EMB: variants seen among roughly 807,000 people sequenced by gnomAD.
The protein encoded by EMB is embigin homolog.
EMB carries 31 observed loss-of-function variants against 41.4 expected under a neutral mutation model. The ratio of observed to expected loss-of-function variants is 0.75; its 90% CI spans 0.56 to 1.01. The LOEUF (loss-of-function observed/expected upper bound fraction) is 1.01. EMB is among the 50% of genes least tolerant of loss of function. EMB has a pLI of 0.00. For missense variants in EMB, 379 were observed against 388.3 expected, an observed-to-expected ratio of 0.98 and a Z score of 0.20; for synonymous variants, 137 against 140.4, an observed-to-expected ratio of 0.98 and a Z score of 0.17.
At chr5:50,428,074 A>C in intron 2 of EMB, 70 bp downstream of exon 2, 1 of 1,085,946 alleles carries the variant, frequency 9.2e-7, no homozygotes, top group Non-Finnish European at 1.4e-6. Flanking sequence ...AAAAAGCAGT[A>C]GCTTTGTTTA....
In EMB at chr5:50,419,135, G is replaced by C. The variant is rs543967385; in HGVS notation, c.197-7752C>G. Among the ~76,000 whole-genome samples the C allele has an allele frequency of 7.3e-4, 111 of 152,334 alleles. 1 individual carries two copies. The highest frequency in any genetic ancestry group is 2.3e-3 in the African/African-American group (94 of 41,586). ...GGCTGAGGTAGCAGTCCAGGACTCA[G>C]ATCAGCCAGTCCCTGGCCCTGTATG... On this transcript the variant is annotated intron_variant, in intron 2 of 8. Coordinates refer to ENST00000303221, the MANE Select transcript of EMB (RefSeq NM_198449.3).
At chr5:50,403,071 G>C (rs1203209059) in intron 6 of EMB, 107 bp downstream of exon 6, 2 of 1,070,830 alleles carry the variant, frequency 1.9e-6, no homozygotes, top group African/African-American at 1.6e-5. Flanking sequence ...AAATCCTAAA[G>C]TCATTGCAAT....
chr5:50,440,297 G>A (rs1022536413), intron 1 of EMB, among the ~76,000 whole-genome samples: 1 of 152,084 alleles, frequency 6.6e-6, no homozygotes, highest in South Asian at 2.1e-4. Context: ...ACTTTGGGAG[G>A]CCGAAGCGGG....
chr5:50,441,304 C>A, upstream of EMB: 1 of 417,736 alleles, frequency 2.4e-6, no homozygotes, highest in Non-Finnish European at 4.1e-6. Context: ...ATGGGAGGGG[C>A]CCGGCCGCCT....
At chr5:50,413,259 C>T (rs1163968934) in intron 2 of EMB, among the ~76,000 whole-genome samples, 1 of 152,148 alleles carries the variant, frequency 6.6e-6, no homozygotes, top group African/African-American at 2.4e-5. Flanking sequence ...AAAAAGAAAT[C>T]ATACAAATAT....
At chr5:50,414,572 T>G (rs1269102662) in intron 2 of EMB, among the ~76,000 whole-genome samples, 20 of 148,254 alleles carry the variant, frequency 1.3e-4, no homozygotes, top group Admixed American at 1.3e-3. Flanking sequence ...TCACTTTTAA[T>G]TACATTTGAA....
intron 7 of EMB, 142 bp from the exon 8 acceptor site, chr5:50,400,055 C>T (rs751544480): frequency 1.7e-6 from 1 of 581,356 alleles, no homozygotes; most frequent in Non-Finnish European, 2.9e-6. Context: ...GTTTTACTTA[C>T]AATGTTGAAT....
At chr5:50,412,478 C>A (rs1023644371) in intron 2 of EMB, among the ~76,000 whole-genome samples, 14 of 151,962 alleles carry the variant, frequency 9.2e-5, no homozygotes, top group African/African-American at 2.7e-4. Flanking sequence ...ATCTTCACAC[C>A]ACACCTAAAC....
chr5:50,419,903 A>AT (rs2111822079), intron 2 of EMB, among the ~76,000 whole-genome samples: 1 of 152,346 alleles, frequency 6.6e-6, no homozygotes, highest in African/African-American at 2.4e-5. Flanking sequence ...GCTGGAAGTC[A>AT]TTATCCTCAG....
chr5:50,441,220 G>C lies in EMB; in HGVS notation c.-69C>G. On this transcript the variant is annotated 5_prime_UTR_variant, in exon 1 of 9. Coordinates refer to ENST00000303221, the MANE Select transcript of EMB (RefSeq NM_198449.3). ...CAGCTCGCCGCCGCGGGTGTCCAGA[G>C]TCCCTGCGCACACTCGCAGGTGGCC... 1.0e-6 allele frequency: 1 copy of C among 989,708 alleles called. No individual in the cohort carries two copies. Among genetic ancestry groups the C allele is most frequent in the Non-Finnish European group, 1.3e-6 (1 of 745,184 alleles). The allele number at this position is 989,708 out of a possible 1,614,324, so 61.3% of individuals were successfully genotyped here.
intron 2 of EMB, among the ~76,000 whole-genome samples, chr5:50,427,115 C>G (rs1476833532): frequency 6.6e-6 from 1 of 152,150 alleles, no homozygotes. Context: ...AATGAGTTTT[C>G]TTCCAAAACA....
chr5:50,428,481 A>G, intron 1 of EMB: 1 of 1,117,112 alleles, frequency 9.0e-7, no homozygotes, highest in Non-Finnish European at 1.1e-6. Context: ...TTTTTAAATA[A>G]CGCCTTCCAT....
Position 50,405,749 on chromosome 5 carries a change from C to A in EMB, c.576G>T (p.Trp192Cys). The A allele has an allele frequency of 6.2e-7, 1 of 1,605,114 alleles. No individual in the cohort carries two copies. The highest frequency in any genetic ancestry group is 1.1e-5 in the South Asian group (1 of 89,668). ...CQNCFPLNWTWYSSNGSVKVP... is the reference protein window; with the variant it reads ...CQNCFPLNWTCYSSNGSVKVP... ...CCTTTACACTCCCATTACTACTGTA[C>A]CAGGTCCAATTTAAAGGAAAACAAT... Residue 192 changes from tryptophan (W) to cysteine (C), a missense_variant, in exon 5 of 9, where the codon TGG (tryptophan) becomes TGT (cysteine). Trp to Cys is a radical substitution (Grantham distance 215). Coordinates refer to ENST00000303221, the MANE Select transcript of EMB (RefSeq NM_198449.3).
At chr5:50,420,744 G>T (rs1178983381) in intron 2 of EMB, among the ~76,000 whole-genome samples, 1 of 152,148 alleles carries the variant, frequency 6.6e-6, no homozygotes, top group East Asian at 1.9e-4. Context: ...TTGTTGAAGT[G>T]GTTGTAGCTC....
At chr5:50,401,028 C>T (rs924187422) in intron 7 of EMB, among the ~76,000 whole-genome samples, 2 of 151,848 alleles carry the variant, frequency 1.3e-5, no homozygotes, top group Admixed American at 1.3e-4. Context: ...TTATATGATG[C>T]TAAGAACAAG....
intron 7 of EMB, among the ~76,000 whole-genome samples, chr5:50,401,561 C>T (rs1745163212): frequency 6.6e-6 from 1 of 151,966 alleles, no homozygotes; most frequent in South Asian, 2.1e-4. Context: ...TGTCACTGGC[C>T]TCCATACTCA....
chr5:50,420,440 G>A (rs988252590), intron 2 of EMB, among the ~76,000 whole-genome samples: 1 of 152,202 alleles, frequency 6.6e-6, no homozygotes, highest in African/African-American at 2.4e-5. Context: ...CAGGGAGTCA[G>A]TACATACATT....
In EMB at chr5:50,441,166, C is replaced by T; in HGVS notation, c.-15G>A. 9.7e-6 allele frequency: 14 copies of T among 1,446,854 alleles called. No individual in the cohort carries two copies. The highest frequency in any genetic ancestry group is 1.2e-5 in the Non-Finnish European group (13 of 1,094,712). The allele number at this position is 1,446,854 out of a possible 1,614,324, so 89.6% of individuals were successfully genotyped here. ...AGGGCGCGCATGGCGCCAGAGGGTC[C>T]GCCTGGGTCCTCGTGGAGACTGCTC... On this transcript the variant is annotated 5_prime_UTR_variant, in exon 1 of 9. Coordinates refer to ENST00000303221, the MANE Select transcript of EMB (RefSeq NM_198449.3).
chr5:50,429,967 TTTCTCTCTCTCTCTCTC>T (rs1745686533), intron 1 of EMB, among the ~76,000 whole-genome samples: 1 of 79,954 alleles, frequency 1.3e-5, no homozygotes, highest in Non-Finnish European at 2.3e-5. Flanking sequence ...CCCAACTCTC[TTTCTCTCTCTCTCTCTC>T]TCTCTCTCTC....
Sources: gnomAD v4.1 joint callset for allele counts (sites outside exome capture counted in the v4.1 genomes callset) on GRCh38, gnomAD v4.1.1 for gene constraint, MANE v1.5 for transcripts, NCBI Gene and HGNC (gene_info 2026-07-23, HGNC 2026-07-21) for gene names.